The following TRIM67 variants were observed in gnomAD, a reference collection of about 807,000 sequenced individuals.
TRIM67 encodes the protein tripartite motif containing 67, also known as tripartite motif-containing protein 67.
TRIM67 carries 39 observed loss-of-function variants against 71.0 expected under a neutral mutation model. That is an observed-to-expected ratio of 0.55 (90% CI 0.43 to 0.72). The LOEUF is 0.72. Among genes scored for constraint, TRIM67 ranks in the 30% least tolerant of loss-of-function variants. The pLI is 0.00. For missense variants in TRIM67, 973 were observed against 1,079.2 expected (o/e 0.90, Z 1.38); for synonymous variants, 481 against 473.9 (o/e 1.01, Z -0.19).
Position 231,209,544 on chromosome 1 carries a change from T to C in TRIM67, c.2123+294T>C, listed in dbSNP as rs1197542156. Among the ~76,000 whole-genome samples, 1 of 152,212 alleles carries C rather than the reference T, an allele frequency of 6.6e-6. No homozygotes were observed. Among genetic ancestry groups the C allele is most frequent in the African/African-American group, 2.4e-5 (1 of 41,464 alleles). ...TGCTGGGATATGGAGCTCGTAGTTT[T>C]CTTTCTGGTACGGCTTCACTTTCCT... On this transcript the variant is annotated intron_variant, in intron 8 of 9. Coordinates refer to ENST00000366653, the MANE Select transcript of TRIM67 (RefSeq NM_001004342.5). The surrounding 1 kb of genome is among the most constrained non-coding windows in gnomAD (Gnocchi z 4.1).
chr1:231,206,849 C>G, intron 7 of TRIM67, 59 bp downstream of exon 7: 1 of 1,494,922 alleles, frequency 6.7e-7, no homozygotes, highest in Non-Finnish European at 9.0e-7. Context: ...CAGTGACAAC[C>G]AGACAGCCAC....
In TRIM67 at chr1:231,167,354, G is replaced by A. The variant is rs1255935993; in HGVS notation, c.1044+3341G>A. On this transcript the variant is annotated intron_variant, in intron 1 of 9. Transcript: ENST00000366653. ...TTTTTTTTTTTTGAGACGGAGTCTC[G>A]CTCTGTCGCCCAGGCTGGAGTGCAG... 1.5e-3 allele frequency among the ~76,000 whole-genome samples: 50 copies of A among 33,608 alleles called. 1 individual carries two copies. Among genetic ancestry groups the A allele is most frequent in the African/African-American group, 3.9e-3 (31 of 7,894 alleles). The allele number at this position is 33,608 out of a possible 152,430, so 22.0% of individuals were successfully genotyped here. A position where few individuals can be genotyped will look rare whatever the true frequency, so the allele number is the denominator to read the frequency against.
intron 6 of TRIM67, among the ~76,000 whole-genome samples, chr1:231,204,481 T>C (rs1320343798): frequency 6.6e-6 from 1 of 152,202 alleles, no homozygotes; most frequent in Admixed American, 6.5e-5. Context: ...CGGGACAACA[T>C]TCTGCAGTCA....
intron 2 of TRIM67, among the ~76,000 whole-genome samples, chr1:231,197,847 AAGAAGG>A (rs200053870): frequency 0.049 from 7,484 of 151,566 alleles, 217 homozygotes; most frequent in African/African-American, 0.076. Flanking sequence ...GAAGAAGAAG[AAGAAGG>A]AGAAGGAGAA....
intron 1 of TRIM67, among the ~76,000 whole-genome samples, chr1:231,177,587 A>G (rs1432493862): frequency 1.3e-5 from 2 of 152,186 alleles, no homozygotes; most frequent in African/African-American, 4.8e-5. Context: ...GCTGTGCCCA[A>G]TTATACTTTC....
chr1:231,170,254 G>A lies in TRIM67; in HGVS notation c.1044+6241G>A, dbSNP rs185824640. ...GCCCACCTCTGCCTCCCAAAGTGCT[G>A]GGATTACAGATGTGAGCCACCGTGC... On this transcript the variant is annotated intron_variant, in intron 1 of 9. Coordinates refer to ENST00000366653, the MANE Select transcript of TRIM67 (RefSeq NM_001004342.5). Among the ~76,000 whole-genome samples the A allele has an allele frequency of 1.2e-3, 187 of 152,158 alleles. 1 individual carries two copies. The highest frequency in any genetic ancestry group is 4.3e-3 in the African/African-American group (178 of 41,496).
In TRIM67 at chr1:231,201,500, T is replaced by C; in HGVS notation, c.1517T>C (p.Ile506Thr). The C allele has an allele frequency of 6.2e-7, 1 of 1,613,888 alleles. No homozygotes were observed. Among genetic ancestry groups the C allele is most frequent in the Non-Finnish European group, 8.5e-7 (1 of 1,179,864 alleles). The change falls in exon 5 of 10, where the codon ATT becomes ACT. Residue 506 changes from isoleucine (I) to threonine (T), a missense_variant. This residue lies in a region of TRIM67 where 795 missense variants were observed against 831.3 expected (regional missense o/e 0.96). Coordinates refer to ENST00000366653, the MANE Select transcript of TRIM67 (RefSeq NM_001004342.5). Reference sequence around the variant, plus strand: ...CAGGCCATCCACCAGCTGGACTTCATTCAGATGAAATGTAGGGGTGAGCCG... The same window carrying C: ...CAGGCCATCCACCAGCTGGACTTCACTCAGATGAAATGTAGGGGTGAGCCG... The part of the protein sequence containing the change: ...LLQAIHQLDF[I>T]QMKCRVPPVP...
intron 8 of TRIM67, among the ~76,000 whole-genome samples, chr1:231,210,311 A>G (rs1369435270): frequency 6.6e-6 from 1 of 152,084 alleles, no homozygotes; most frequent in East Asian, 1.9e-4. Context: ...TGCAGCTCCT[A>G]TAACAGCCCC....
At chr1:231,207,872 G>A (rs1242014631) in intron 7 of TRIM67, among the ~76,000 whole-genome samples, 1 of 152,090 alleles carries the variant, frequency 6.6e-6, no homozygotes, top group Non-Finnish European at 1.5e-5. Context: ...GGGGGGTTGG[G>A]GAGCAAAAGG....
In TRIM67 at chr1:231,220,164, G is replaced by A; in HGVS notation, c.*4724G>A. ...GATTCCCATTCAGTGACTCAAACCTGTGGGGGGCGTTCCAGTGTTCTCTGA... is the reference window on the plus strand; with the variant it reads ...GATTCCCATTCAGTGACTCAAACCTATGGGGGGCGTTCCAGTGTTCTCTGA... On this transcript the variant is annotated 3_prime_UTR_variant, in exon 10 of 10. Coordinates refer to ENST00000366653, the MANE Select transcript of TRIM67 (RefSeq NM_001004342.5). 1 of 384,146 alleles carries A rather than the reference G, an allele frequency of 2.6e-6. No individual in the cohort carries two copies. The highest frequency in any genetic ancestry group is 4.9e-6 in the Non-Finnish European group (1 of 202,644). 23.8% of individuals were successfully genotyped at this position (384,146 alleles called of 1,614,324 possible).
chr1:231,204,062 G>A (rs1683628999), intron 6 of TRIM67, 50 bp downstream of exon 6: 7 of 1,605,126 alleles, frequency 4.4e-6, no homozygotes, highest in African/African-American at 2.7e-5. Flanking sequence ...CAATGCAGAG[G>A]CAGGAGTGGC....
chr1:231,174,084 A>G (rs1027811316), intron 1 of TRIM67, among the ~76,000 whole-genome samples: 6 of 151,046 alleles, frequency 4.0e-5, no homozygotes, highest in Non-Finnish European at 8.8e-5. Context: ...AATAACACAT[A>G]TATTAGATTG....
Position 231,165,337 on chromosome 1 carries a change from A to C in TRIM67, c.1044+1324A>C, listed in dbSNP as rs938970544. Among the ~76,000 whole-genome samples, 4 of 152,256 alleles carry C rather than the reference A, an allele frequency of 2.6e-5. No individual in the cohort carries two copies. In the South Asian group the frequency reaches 8.3e-4, roughly 32 times the overall value. ...ATTTACTAGCTGTATGAGTCTAGGC[A>C]CAATTTAAAACCCATTGGAAAAAAA... On this transcript the variant is annotated intron_variant, in intron 1 of 9. Coordinates refer to ENST00000366653, the MANE Select transcript of TRIM67 (RefSeq NM_001004342.5).
Position 231,219,094 on chromosome 1 carries a change from A to G in TRIM67, c.*3654A>G, listed in dbSNP as rs867781555. The stretch of plus-strand genomic sequence containing the variant: ...GTCCCATGGCCACCTGCTGGCTTTG[A>G]GGTAGTGAGGGAGGGTCAATCCTTA... On this transcript the variant is annotated 3_prime_UTR_variant, in exon 10 of 10. Coordinates refer to ENST00000366653, the MANE Select transcript of TRIM67 (RefSeq NM_001004342.5). 4.5e-5 allele frequency: 44 copies of G among 985,266 alleles called. No homozygotes were observed. In the African/African-American group the frequency reaches 7.7e-4, roughly 17 times the overall value. 61.0% of individuals were successfully genotyped at this position (985,266 alleles called of 1,614,324 possible).
chr1:231,186,138 G>C, intron 1 of TRIM67: 4 of 1,532,282 alleles, frequency 2.6e-6, no homozygotes, highest in Non-Finnish European at 2.6e-6. Flanking sequence ...ATGGATGAAG[G>C]GCTTGACAGC....
Position 231,200,276 on chromosome 1 carries a change from A to G in TRIM67, c.1374+18A>G. On this transcript the variant is annotated intron_variant, in intron 4 of 9. Coordinates refer to ENST00000366653, the MANE Select transcript of TRIM67 (RefSeq NM_001004342.5). ...TCTTACAGGTGAGCCTGTCCCTGGA[A>G]GACACAAAGTGGGCTTCCTCCAACT... is the stretch of plus-strand genomic sequence containing the variant. 6.4e-7 allele frequency: 1 copy of G among 1,564,210 alleles called. No homozygotes were observed. Among genetic ancestry groups the G allele is most frequent in the Non-Finnish European group, 8.8e-7 (1 of 1,135,022 alleles).
rs376907476 is a variant in TRIM67, at chr1:231,202,274, G to A, written c.1534+757G>A. Among the ~76,000 whole-genome samples the A allele has an allele frequency of 8.3e-5, 10 of 120,864 alleles. 1 individual carries two copies. The highest frequency in any genetic ancestry group is 7.4e-4 in the East Asian group (3 of 4,060). 79.3% of individuals were successfully genotyped at this position (120,864 alleles called of 152,430 possible). ...GGAGAAGGAGGAGGTGGTGGCGGAG[G>A]AGGAGGAGGTGGAGGCAGTAGTGGT... On this transcript the variant is annotated intron_variant, in intron 5 of 9. Transcript: ENST00000366653.
chr1:231,194,572 T>C (rs1683316223), intron 1 of TRIM67, among the ~76,000 whole-genome samples: 1 of 152,168 alleles, frequency 6.6e-6, no homozygotes, highest in African/African-American at 2.4e-5. Context: ...AGTTGTCCTT[T>C]TCCATTGATG....
Position 231,217,111 on chromosome 1 carries a change from C to A in TRIM67, c.*1671C>A, listed in dbSNP as rs878874459. The A allele has an allele frequency of 2.9e-5, 29 of 985,918 alleles. No homozygotes were observed. In the South Asian group the frequency reaches 3.8e-4, roughly 13 times the overall value. The allele number at this position is 985,918 out of a possible 1,614,324, so 61.1% of individuals were successfully genotyped here. On this transcript the variant is annotated 3_prime_UTR_variant, in exon 10 of 10. Coordinates refer to ENST00000366653, the MANE Select transcript of TRIM67 (RefSeq NM_001004342.5). ...TGCCTGCCGGAGCCATGCAGGTACCCCCCCTCCACTCAGCAGGCCCGACAA... is the reference window on the plus strand; with the variant it reads ...TGCCTGCCGGAGCCATGCAGGTACCACCCCTCCACTCAGCAGGCCCGACAA...
Sources: allele counts gnomAD v4.1 joint callset (sites outside exome capture counted in the v4.1 genomes callset), GRCh38; gene constraint gnomAD v4.1.1; regional missense constraint gnomAD v4.1.1; non-coding constraint Gnocchi (gnomAD v3.1); transcripts MANE v1.5; gene names NCBI Gene and HGNC (gene_info 2026-07-23, HGNC 2026-07-21).